ZMAT4: variants seen among roughly 807,000 people sequenced by gnomAD.
ZMAT4 encodes the protein zinc finger matrin-type 4, also known as zinc finger matrin-type protein 4.
A neutral mutation model predicts 28.7 loss-of-function variants in ZMAT4; 17 were observed. The ratio of observed to expected loss-of-function variants is 0.59; its 90% CI spans 0.41 to 0.89. The LOEUF is 0.89. Among genes scored for constraint, ZMAT4 ranks in the 40% least tolerant of loss-of-function variants. ZMAT4 has a pLI of 0.00. For synonymous variants in ZMAT4, 117 were observed against 109.2 expected (o/e 1.07, Z -0.44); for missense variants, 240 against 283.8 (o/e 0.85, Z 1.11).
intron 5 of ZMAT4, among the ~76,000 whole-genome samples, chr8:40,607,074 T>C (rs1263482424): frequency 6.6e-6 from 1 of 151,608 alleles, no homozygotes; most frequent in African/African-American, 2.4e-5. Context: ...TTTTTATTTA[T>C]GCTTTCTATT....
In ZMAT4 at chr8:40,572,807, G is replaced by T. The variant is rs575769005; in HGVS notation, c.674+8358C>A. Among the ~76,000 whole-genome samples the T allele has an allele frequency of 1.6e-4, 25 of 152,218 alleles. No individual in the cohort carries two copies. In the South Asian group the frequency reaches 3.1e-3, roughly 19 times the overall value. ...TGGAGAGAAATTTGACTGCCATTAT[G>T]CTGTTTACAGCTTTTGCCCCAAAAT... On this transcript the variant is annotated intron_variant, in intron 6 of 6. Transcript: ENST00000297737.
At chr8:40,547,600 T>G (rs1289475109) in intron 6 of ZMAT4, among the ~76,000 whole-genome samples, 1 of 152,192 alleles carries the variant, frequency 6.6e-6, no homozygotes. Flanking sequence ...TCACACAGAT[T>G]TAGAGCTGGG....
At chr8:40,617,006 T>G (rs1806031986) in intron 5 of ZMAT4, among the ~76,000 whole-genome samples, 1 of 151,992 alleles carries the variant, frequency 6.6e-6, no homozygotes, top group African/African-American at 2.4e-5. Flanking sequence ...AAGAAATAAT[T>G]GGAAGTAAAT....
intron 3 of ZMAT4, among the ~76,000 whole-genome samples, chr8:40,703,889 T>C (rs572424032): frequency 7.2e-5 from 11 of 152,352 alleles, no homozygotes; most frequent in African/African-American, 2.4e-4. Flanking sequence ...GGTGAAACTC[T>C]TTCAGGAAGC....
At chr8:40,876,810 C>G (rs1479854538) in intron 1 of ZMAT4, among the ~76,000 whole-genome samples, 2 of 152,200 alleles carry the variant, frequency 1.3e-5, no homozygotes, top group Non-Finnish European at 2.9e-5. Flanking sequence ...TTCGACTGTG[C>G]AAGGGGTTGG....
intron 5 of ZMAT4, among the ~76,000 whole-genome samples, chr8:40,653,344 T>C (rs899801552): frequency 1.3e-5 from 2 of 151,658 alleles, no homozygotes; most frequent in African/African-American, 2.4e-5. Context: ...TCTTAAAAAC[T>C]AGAAATAGAG....
chr8:40,666,988 T>G (rs1705377216), intron 5 of ZMAT4, among the ~76,000 whole-genome samples: 1 of 152,090 alleles, frequency 6.6e-6, no homozygotes, highest in Non-Finnish European at 1.5e-5. Context: ...TTATTAAAAG[T>G]TGAAAGTTAT....
chr8:40,856,434 A>G (rs571674528), intron 1 of ZMAT4, among the ~76,000 whole-genome samples: 184 of 152,350 alleles, frequency 1.2e-3, no homozygotes, highest in African/African-American at 4.3e-3. Context: ...AAATTTGCAC[A>G]GGATGGTCTG....
intron 2 of ZMAT4, among the ~76,000 whole-genome samples, chr8:40,819,372 A>G (rs1213525309): frequency 6.6e-6 from 1 of 152,188 alleles, no homozygotes; most frequent in African/African-American, 2.4e-5. Flanking sequence ...AGTACAGACC[A>G]ATGCTCAATG....
At chr8:40,551,632 C>T (rs1803372076) in intron 6 of ZMAT4, among the ~76,000 whole-genome samples, 3 of 152,132 alleles carry the variant, frequency 2.0e-5, no homozygotes, top group African/African-American at 7.2e-5. Context: ...AAGAAAATCA[C>T]CACTCTTACT....
chr8:40,599,756 C>A (rs1805233552), intron 5 of ZMAT4, among the ~76,000 whole-genome samples: 1 of 152,214 alleles, frequency 6.6e-6, no homozygotes, highest in Non-Finnish European at 1.5e-5. Flanking sequence ...ATGGGAGACA[C>A]ACGAGGGAGG....
Position 40,638,147 on chromosome 8 carries a change from C to T in ZMAT4, c.577+36557G>A, listed in dbSNP as rs1202793380. Among the ~76,000 whole-genome samples, 3 of 152,068 alleles carry T rather than the reference C, an allele frequency of 2.0e-5. No homozygotes were observed. In the East Asian group the frequency reaches 5.8e-4, roughly 29 times the overall value. Reference sequence around the variant, plus strand: ...GAAGAGGTTCTCGTGATCTATTGTACAATATAGTGACTATAGTTAATAATC... The same window carrying T: ...GAAGAGGTTCTCGTGATCTATTGTATAATATAGTGACTATAGTTAATAATC... On this transcript the variant is annotated intron_variant, in intron 5 of 6. Coordinates refer to ENST00000297737, the MANE Select transcript of ZMAT4 (RefSeq NM_024645.3).
chr8:40,578,647 G>A (rs553172383), intron 6 of ZMAT4, among the ~76,000 whole-genome samples: 126 of 152,016 alleles, frequency 8.3e-4, no homozygotes, highest in African/African-American at 2.7e-3. Flanking sequence ...AAGCATGCCC[G>A]CACATGATAT....
chr8:40,738,561 A>G (rs28565130), intron 3 of ZMAT4, among the ~76,000 whole-genome samples: 45,091 of 152,130 alleles, frequency 0.3, 7,234 homozygotes, highest in Non-Finnish European at 0.36. Flanking sequence ...GCATGCAAGC[A>G]GCAAGGAAGA....
chr8:40,853,500 G>T (rs997520737), intron 1 of ZMAT4, among the ~76,000 whole-genome samples: 1 of 152,122 alleles, frequency 6.6e-6, no homozygotes, highest in Non-Finnish European at 1.5e-5. Context: ...AGGTTGCAGT[G>T]AGCCAATATT....
chr8:40,586,901 G>C (rs537699673), intron 5 of ZMAT4, among the ~76,000 whole-genome samples: 2 of 152,156 alleles, frequency 1.3e-5, no homozygotes, highest in African/African-American at 4.8e-5. Context: ...ATATAAGCAG[G>C]ATCATGAGGA....
chr8:40,638,218 T>G (rs1196478585), intron 5 of ZMAT4, among the ~76,000 whole-genome samples: 1 of 152,324 alleles, frequency 6.6e-6, no homozygotes, highest in East Asian at 1.9e-4. Flanking sequence ...ATTTTGAATG[T>G]TCCCACCCCA....
chr8:40,635,357 T>G (rs1806753178), intron 5 of ZMAT4, among the ~76,000 whole-genome samples: 1 of 152,114 alleles, frequency 6.6e-6, no homozygotes, highest in South Asian at 2.1e-4. Flanking sequence ...CCTCTCATTC[T>G]CTCCCTAACA....
intron 3 of ZMAT4, among the ~76,000 whole-genome samples, chr8:40,711,241 G>A (rs1001189252): frequency 6.6e-6 from 1 of 152,078 alleles, no homozygotes; most frequent in Non-Finnish European, 1.5e-5. Flanking sequence ...TAAAAGCACA[G>A]AGTATCAAAC....
Sources: allele counts gnomAD v4.1 joint callset (sites outside exome capture counted in the v4.1 genomes callset), GRCh38; gene constraint gnomAD v4.1.1; transcripts MANE v1.5; gene names NCBI Gene and HGNC (gene_info 2026-07-23, HGNC 2026-07-21).